ATP8A2: variants seen among roughly 807,000 people sequenced by gnomAD.
The protein encoded by ATP8A2 is phospholipid-transporting ATPase IB.
A neutral mutation model predicts 165.6 loss-of-function variants in ATP8A2; 100 were observed. That is an observed-to-expected ratio of 0.60 (90% CI 0.51 to 0.71). The LOEUF is 0.71. Ranked by LOEUF, ATP8A2 falls within the 30% of genes least tolerant of loss-of-function variation. The pLI is 0.00. For missense variants in ATP8A2, 1,227 were observed against 1,479.5 expected, an observed-to-expected ratio of 0.83 and a Z score of 2.80; for synonymous variants, 543 against 548.8, an observed-to-expected ratio of 0.99 and a Z score of 0.15.
intron 35 of ATP8A2, among the ~76,000 whole-genome samples, chr13:25,977,695 A>G (rs1956087429): frequency 6.6e-6 from 1 of 152,172 alleles, no homozygotes; most frequent in South Asian, 2.1e-4. Flanking sequence ...AAAATTTTTA[A>G]ATTAAATACC....
chr13:25,852,888 G>C (rs180709927), intron 30 of ATP8A2, among the ~76,000 whole-genome samples: 2 of 150,834 alleles, frequency 1.3e-5, no homozygotes, highest in Non-Finnish European at 3.0e-5. Context: ...TGGGCAACAA[G>C]AGAGAAACTC....
In ATP8A2 at chr13:25,559,726, T is replaced by C. The variant is rs766883188; in HGVS notation, c.1358T>C (p.Phe453Ser). The C allele has an allele frequency of 1.9e-6, 3 of 1,613,582 alleles. No homozygotes were observed. The South Asian group carries it at 3.3e-5, about 18-fold the overall frequency. ...GTTTTCCGTTTCTCTGGCAGTCACT[T>C]CCCAGAATTGGCAAGAGAGCCGTCT... is the stretch of plus-strand genomic sequence containing the variant. ...CSIAGVTYGH[F>S]PELAREPSSD... The change falls in exon 15 of 37, where the codon TTC becomes TCC. Residue 453 changes from phenylalanine (F) to serine (S), a missense_variant. This residue lies in a region of ATP8A2 where 592 missense variants were observed against 785.6 expected (regional missense o/e 0.75). Transcript: ENST00000381655.
At chr13:25,406,506 A>C (rs2033805229) in intron 1 of ATP8A2, among the ~76,000 whole-genome samples, 1 of 152,216 alleles carries the variant, frequency 6.6e-6, no homozygotes, top group Non-Finnish European at 1.5e-5. Context: ...TTTTGCTTCC[A>C]CATGGCCAAT....
At chr13:25,942,037 G>A (rs960661230) in intron 33 of ATP8A2, among the ~76,000 whole-genome samples, 1 of 151,904 alleles carries the variant, frequency 6.6e-6, no homozygotes, top group African/African-American at 2.4e-5. Context: ...ATCATGCAGG[G>A]TTTTGAAACT....
chr13:25,934,905 G>A (rs1269623383), intron 33 of ATP8A2, among the ~76,000 whole-genome samples: 1 of 152,184 alleles, frequency 6.6e-6, no homozygotes, highest in Non-Finnish European at 1.5e-5. Context: ...GTGACTAAGG[G>A]CCAGGAGCTG....
chr13:25,888,382 G>T (rs1953233162), intron 33 of ATP8A2, among the ~76,000 whole-genome samples: 1 of 152,222 alleles, frequency 6.6e-6, no homozygotes, highest in East Asian at 1.9e-4. Context: ...TAAAACTTCC[G>T]GAATTGGCTG....
At chr13:25,454,747 C>A (rs7335322) in intron 1 of ATP8A2, among the ~76,000 whole-genome samples, 57,012 of 151,828 alleles carry the variant, frequency 0.38, 11,507 homozygotes, top group East Asian at 0.6. Flanking sequence ...CGTGGTGAAA[C>A]CCCGTCTCTA....
chr13:25,936,049 C>A (rs1954879225), intron 33 of ATP8A2, among the ~76,000 whole-genome samples: 1 of 152,094 alleles, frequency 6.6e-6, no homozygotes, highest in Non-Finnish European at 1.5e-5. Context: ...TTAGCATCAG[C>A]CTTAGAAATG....
At chr13:25,410,855 A>C (rs1418296618) in intron 1 of ATP8A2, among the ~76,000 whole-genome samples, 2 of 151,884 alleles carry the variant, frequency 1.3e-5, no homozygotes, top group East Asian at 1.9e-4. Flanking sequence ...AACTGATTCT[A>C]CTCCCTTCTA....
At chr13:25,946,421 GCA>G (rs1474406485) in intron 33 of ATP8A2, among the ~76,000 whole-genome samples, 6 of 152,210 alleles carry the variant, frequency 3.9e-5, no homozygotes, top group African/African-American at 1.4e-4. Context: ...CTGGCTATGA[GCA>G]CAGTCATGAT....
At chr13:25,870,915 T>A (rs1394725339) in intron 33 of ATP8A2, among the ~76,000 whole-genome samples, 8 of 152,236 alleles carry the variant, frequency 5.3e-5, no homozygotes, top group African/African-American at 1.9e-4. Context: ...GAGCCCAATC[T>A]TTTTTAAAGT....
At chr13:25,536,207 G>A (rs1382838621) in intron 6 of ATP8A2, among the ~76,000 whole-genome samples, 22 of 152,082 alleles carry the variant, frequency 1.4e-4, no homozygotes, top group African/African-American at 4.1e-4. Context: ...TGCCTCCTGG[G>A]TTCAAGCGAT....
At chr13:25,555,275 G>A (rs1345563122) in intron 13 of ATP8A2, among the ~76,000 whole-genome samples, 3 of 151,712 alleles carry the variant, frequency 2.0e-5, no homozygotes, top group South Asian at 2.1e-4. Context: ...CAGCTATGTC[G>A]TATCACCCAG....
chr13:25,401,114 G>C (rs894165276), intron 1 of ATP8A2, among the ~76,000 whole-genome samples: 1 of 152,152 alleles, frequency 6.6e-6, no homozygotes, highest in Non-Finnish European at 1.5e-5. Flanking sequence ...TGCAGTGAGT[G>C]TGCGGCACAG....
chr13:25,663,947 G>A (rs377757772), intron 24 of ATP8A2, among the ~76,000 whole-genome samples: 2 of 152,242 alleles, frequency 1.3e-5, no homozygotes, highest in Non-Finnish European at 1.5e-5. Context: ...GGTGGCTCAC[G>A]CCTGTAATCC....
At chr13:25,745,296 G>A (rs1353766100) in intron 25 of ATP8A2, among the ~76,000 whole-genome samples, 2 of 152,156 alleles carry the variant, frequency 1.3e-5, no homozygotes, top group Non-Finnish European at 2.9e-5. Context: ...GATGCTCATG[G>A]CATAGAACTC....
intron 2 of ATP8A2, among the ~76,000 whole-genome samples, chr13:25,492,143 G>A (rs1167111233): frequency 6.6e-6 from 1 of 152,104 alleles, no homozygotes; most frequent in Non-Finnish European, 1.5e-5. Flanking sequence ...TGCAACCTTT[G>A]CCTCCTGGGT....
intron 25 of ATP8A2, among the ~76,000 whole-genome samples, chr13:25,746,042 C>T (rs1303311736): frequency 6.6e-6 from 1 of 152,170 alleles, no homozygotes; most frequent in East Asian, 1.9e-4. Context: ...CTGCAGTGAG[C>T]CTCTGTAAAA....
intron 2 of ATP8A2, among the ~76,000 whole-genome samples, chr13:25,515,228 A>G (rs1354002489): frequency 2.0e-5 from 3 of 152,196 alleles, no homozygotes; most frequent in Non-Finnish European, 4.4e-5. Context: ...GAACCATACC[A>G]TTGGCCCTCT....
Sources: gnomAD v4.1 joint callset for allele counts (sites outside exome capture counted in the v4.1 genomes callset) on GRCh38, gnomAD v4.1.1 for gene constraint, gnomAD v4.1.1 regional missense constraint, MANE v1.5 for transcripts, NCBI Gene and HGNC (gene_info 2026-07-23, HGNC 2026-07-21) for gene names.